The following MAX variants were observed in gnomAD, a reference collection of about 807,000 sequenced individuals.
MAX encodes the protein protein max.
In MAX, 3 loss-of-function variants were observed where a neutral mutation model predicts 22.3. The observed-to-expected ratio is 0.13, with a 90% CI of 0.06 to 0.35. The LOEUF (loss-of-function observed/expected upper bound fraction) is 0.35, where lower values mean the gene tolerates loss of function less well. Ranked by LOEUF, MAX falls within the 10% of genes least tolerant of loss-of-function variation. MAX has a pLI of 1.00. For missense variants in MAX, 119 were observed against 209.4 expected (o/e 0.57, Z 2.66); for synonymous variants, 72 against 77.7 (o/e 0.93, Z 0.39).
At position 65,044,699 on chromosome 14, in the gene MAX, C is replaced by A; in HGVS notation, c.172-38415G>T. ...GCTTCCTTGAAATTGCTACGGGGAG[C>A]GGGGAGGAAGTGGGCGCTGCTTCTG... On this transcript the variant is annotated intron_variant, in intron 3 of 3. Coordinates refer to the MAX transcript ENST00000341653. The surrounding 1 kb of genome is among the most constrained non-coding windows in gnomAD (Gnocchi z 5.5). 1 of 529,484 alleles carries A rather than the reference C, an allele frequency of 1.9e-6. No homozygotes were observed. The highest frequency in any genetic ancestry group is 2.8e-5 in the South Asian group (1 of 35,630). The allele number at this position is 529,484 out of a possible 1,614,324, so 32.8% of individuals were successfully genotyped here.
intron 3 of MAX, among the ~76,000 whole-genome samples, chr14:65,086,985 G>A (rs1250576263): frequency 1.3e-5 from 2 of 152,194 alleles, no homozygotes; most frequent in Non-Finnish European, 2.9e-5. Flanking sequence ...CCTGCATCCC[G>A]GCCACTCCAG....
At chr14:65,039,430 C>G (rs2062293253) in intron 3 of MAX, among the ~76,000 whole-genome samples, 1 of 152,192 alleles carries the variant, frequency 6.6e-6, no homozygotes, top group African/African-American at 2.4e-5. Flanking sequence ...AACTTCCCAT[C>G]TTCTGCTGGA....
chr14:65,016,554 C>G (rs1475360558), intron 3 of MAX: 1 of 152,246 alleles, frequency 6.6e-6, no homozygotes, highest in African/African-American at 2.4e-5. Flanking sequence ...CACAAGGAGG[C>G]AGCTGTGCTG....
At position 65,032,350 on chromosome 14, in the gene MAX, C is replaced by T. The variant is rs2062103465; in HGVS notation, c.172-26066G>A. On this transcript the variant is annotated intron_variant, in intron 3 of 3. Transcript: ENST00000341653. This position sits in a 1 kb window ranked among gnomAD's most constrained non-coding sequence, Gnocchi z 5.0. ...TGAATTGATATGGCTGTTATTTCCT[C>T]TGATGTAGATTGGACCATGTGGAGG... 5.9e-6 allele frequency: 2 copies of T among 338,018 alleles called. No individual in the cohort carries two copies. The highest frequency in any genetic ancestry group is 1.1e-5 in the Non-Finnish European group (2 of 186,556). 20.9% of individuals were successfully genotyped at this position (338,018 alleles called of 1,614,324 possible). A position where few individuals can be genotyped will look rare whatever the true frequency, so the allele number is the denominator to read the frequency against.
Position 65,027,726 on chromosome 14 carries a change from C to CT in MAX, c.172-21443dup. 6.2e-7 allele frequency: 1 copy of CT among 1,614,172 alleles called. No individual in the cohort carries two copies. The highest frequency in any genetic ancestry group is 8.5e-7 in the Non-Finnish European group (1 of 1,180,042). On this transcript the variant is annotated intron_variant, in intron 3 of 3. Coordinates refer to the MAX transcript ENST00000341653. The surrounding 1 kb of genome is among the most constrained non-coding windows in gnomAD (Gnocchi z 5.7). Reference sequence around the variant, plus strand: ...GAAGCTTCTTCAGTATTTGTACTCCCTGAAGCAACCTGACGGCTCCTTTCT... The same window carrying CT: ...GAAGCTTCTTCAGTATTTGTACTCCCTTGAAGCAACCTGACGGCTCCTTTCT...
rs544695356 is a variant in MAX, at chr14:65,036,479, C to T, written c.172-30195G>A. Among the ~76,000 whole-genome samples the T allele has an allele frequency of 2.2e-3, 335 of 151,714 alleles. 1 individual carries two copies. Among genetic ancestry groups the T allele is most frequent in the Non-Finnish European group, 4.0e-3 (270 of 67,886 alleles). On this transcript the variant is annotated intron_variant, in intron 3 of 3. Coordinates refer to the MAX transcript ENST00000341653. ...CTTAAACCCCTGAGCTTAAGCAATC[C>T]GCCTGCCTCAGCCTCCCAAAGTGCT... is the stretch of plus-strand genomic sequence containing the variant.
At position 65,079,182 on chromosome 14, in the gene MAX, G is replaced by C. The variant is rs939989007; in HGVS notation, c.172-1146C>G. 6.6e-6 allele frequency among the ~76,000 whole-genome samples: 1 copy of C among 152,220 alleles called. No individual in the cohort carries two copies. The highest frequency in any genetic ancestry group is 2.4e-5 in the African/African-American group (1 of 41,450). ...TGTTTCATCAAGACCCAAGATTCCA[G>C]CCAAACTCTGAAACCACTGTTAACT... On this transcript the variant is annotated intron_variant, in intron 3 of 4. Coordinates refer to ENST00000358664, the MANE Select transcript of MAX (RefSeq NM_002382.5). This position sits in a 1 kb window ranked among gnomAD's most constrained non-coding sequence, Gnocchi z 4.5.
intron 3 of MAX, among the ~76,000 whole-genome samples, chr14:65,064,197 C>T (rs2062908342): frequency 6.6e-6 from 1 of 152,182 alleles, no homozygotes; most frequent in Non-Finnish European, 1.5e-5. Context: ...GGATGCTTTT[C>T]ATGTAATATT....
At chr14:65,043,818 G>C in intron 3 of MAX, among the ~76,000 whole-genome samples, 1 of 108,880 alleles carries the variant, frequency 9.2e-6, no homozygotes, top group East Asian at 2.9e-4. Context: ...GACAGAGCGA[G>C]ACTCCGTCTC....
At chr14:65,013,011 G>C (rs1474550348) in intron 3 of MAX, among the ~76,000 whole-genome samples, 2 of 152,214 alleles carry the variant, frequency 1.3e-5, no homozygotes, top group African/African-American at 4.8e-5. Context: ...CGGTGGAGGG[G>C]ACAGATGTTG....
Position 65,030,435 on chromosome 14 carries a change from A to C in MAX, c.172-24151T>G, listed in dbSNP as rs547024478. Among the ~76,000 whole-genome samples the C allele has an allele frequency of 6.6e-6, 1 of 152,272 alleles. No individual in the cohort carries two copies. Among genetic ancestry groups the C allele is most frequent in the South Asian group, 2.1e-4 (1 of 4,830 alleles). On this transcript the variant is annotated intron_variant, in intron 3 of 3. Transcript: ENST00000341653. This position sits in a 1 kb window ranked among gnomAD's most constrained non-coding sequence, Gnocchi z 4.5. ...AAGTCTGACTTCATGTTATATCTAT[A>C]CTGAGTAAGATGGAAACCAGGGCCG... is the stretch of plus-strand genomic sequence containing the variant.
intron 3 of MAX, among the ~76,000 whole-genome samples, chr14:65,043,798 C>A (rs568628391): frequency 8.0e-6 from 1 of 125,562 alleles, no homozygotes; most frequent in East Asian, 2.4e-4. Flanking sequence ...GTCCGCAGTC[C>A]GGCCTGGGCG....
intron 3 of MAX, among the ~76,000 whole-genome samples, chr14:65,019,887 T>C (rs1566873449): frequency 6.6e-6 from 1 of 152,246 alleles, no homozygotes; most frequent in South Asian, 2.1e-4. Flanking sequence ...AGAAGATTTT[T>C]TTTAGACTAG....
rs976546802 is a variant in MAX at position 65,014,422 on chromosome 14, G to A, written c.172-8138C>T. Reference sequence around the variant, plus strand: ...AGCATTTCTCCAGGTATATGTACACGTGTTGGTTCCAGAAAGACATGAGGT... The same window carrying A: ...AGCATTTCTCCAGGTATATGTACACATGTTGGTTCCAGAAAGACATGAGGT... On this transcript the variant is annotated intron_variant, in intron 3 of 3. Transcript: ENST00000341653. The surrounding 1 kb of genome is among the most constrained non-coding windows in gnomAD (Gnocchi z 5.1). Among the ~76,000 whole-genome samples the A allele has an allele frequency of 2.6e-5, 4 of 152,082 alleles. No individual in the cohort carries two copies. Among genetic ancestry groups the A allele is most frequent in the African/African-American group, 7.2e-5 (3 of 41,406 alleles).
At chr14:65,073,597 T>C (rs1391494972), downstream of MAX, among the ~76,000 whole-genome samples, 3 of 152,154 alleles carry the variant, frequency 2.0e-5, no homozygotes, top group Non-Finnish European at 4.4e-5. Context: ...TAAGTGAGTG[T>C]CCAGAGTAAT....
intron 3 of MAX, among the ~76,000 whole-genome samples, chr14:65,049,903 C>T (rs1346389447): frequency 6.6e-6 from 1 of 151,970 alleles, no homozygotes; most frequent in Non-Finnish European, 1.5e-5. Context: ...AATCCCCATA[C>T]ACATTAAATA....
chr14:65,057,901 T>TC (rs1271960725), intron 3 of MAX, among the ~76,000 whole-genome samples: 1 of 152,224 alleles, frequency 6.6e-6, no homozygotes, highest in African/African-American at 2.4e-5. Flanking sequence ...CTTATTTTGT[T>TC]CCTTTGGTCT....
At chr14:65,067,019 T>TAAAAAAA (rs35809647) in intron 3 of MAX, among the ~76,000 whole-genome samples, 1 of 137,780 alleles carries the variant, frequency 7.3e-6, no homozygotes, top group Non-Finnish European at 1.6e-5. Flanking sequence ...CTACAAAAAT[T>TAAAAAAA]AAAAAAAAAA....
At position 65,016,920 on chromosome 14, in the gene MAX, G is replaced by GTTT. The variant is rs34191835; in HGVS notation, c.172-10639_172-10637dup. Among the ~76,000 whole-genome samples, 50 of 114,836 alleles carry GTTT rather than the reference G, an allele frequency of 4.4e-4. 2 individuals are homozygous for GTTT. The highest frequency in any genetic ancestry group is 9.5e-4 in the African/African-American group (28 of 29,396). The allele number at this position is 114,836 out of a possible 152,430, so 75.3% of individuals were successfully genotyped here. A position where few individuals can be genotyped will look rare whatever the true frequency, so the allele number is the denominator to read the frequency against. ...TAATTGTCAAAGAAAGGCCCACGTG[G>GTTT]TTTTTTTTTTTTTTTTTTTTGAGAC... On this transcript the variant is annotated intron_variant, in intron 3 of 3. Coordinates refer to the MAX transcript ENST00000341653.
Sources: gnomAD v4.1 joint callset for allele counts (sites outside exome capture counted in the v4.1 genomes callset) on GRCh38, gnomAD v4.1.1 for gene constraint, Gnocchi (gnomAD v3.1) non-coding constraint, MANE v1.5 for transcripts, NCBI Gene and HGNC (gene_info 2026-07-23, HGNC 2026-07-21) for gene names.